The following MOB3B variants were observed in gnomAD, a reference collection of about 807,000 sequenced individuals.
MOB3B encodes MOB kinase activator 3B, also known as MOB kinase activator-like 2B.
A neutral mutation model predicts 18.7 loss-of-function variants in MOB3B; 7 were observed. The observed-to-expected ratio is 0.37, with a 90% CI of 0.21 to 0.70. The LOEUF is 0.70. Ranked by LOEUF, MOB3B falls within the 30% of genes least tolerant of loss-of-function variation. MOB3B has a pLI of 0.52. For missense variants in MOB3B, 253 were observed against 281.3 expected (o/e 0.90, Z 0.72); for synonymous variants, 111 against 99.9 (o/e 1.11, Z -0.66).
At chr9:27,463,532 C>T (rs999963500) in intron 1 of MOB3B, among the ~76,000 whole-genome samples, 4 of 152,110 alleles carry the variant, frequency 2.6e-5, no homozygotes, top group Non-Finnish European at 5.9e-5. Context: ...TTGTCATGTG[C>T]CACTCCAGAA....
In MOB3B at chr9:27,326,288, G is replaced by C. The variant is rs965685720; in HGVS notation, c.*4299C>G. The C allele has an allele frequency of 2.5e-6, 1 of 393,878 alleles. No homozygotes were observed. The highest frequency in any genetic ancestry group is 1.4e-4 in the South Asian group (1 of 6,976). 24.4% of individuals were successfully genotyped at this position (393,878 alleles called of 1,614,324 possible). A position where few individuals can be genotyped will look rare whatever the true frequency, so the allele number is the denominator to read the frequency against. ...AACAATGGAGCAACAAGACTCCGTA[G>C]AGGATGCCACCCTGGGAGAATTGCA... is the stretch of plus-strand genomic sequence containing the variant. On this transcript the variant is annotated 3_prime_UTR_variant, in exon 4 of 4. Transcript: ENST00000262244.
At chr9:27,520,688 G>A (rs1227559057) in intron 1 of MOB3B, among the ~76,000 whole-genome samples, 1 of 152,116 alleles carries the variant, frequency 6.6e-6, no homozygotes, top group Non-Finnish European at 1.5e-5. Context: ...CTTGTTACGG[G>A]TATGTGCACA....
chr9:27,351,045 G>A (rs976595851), intron 3 of MOB3B, among the ~76,000 whole-genome samples: 1 of 152,042 alleles, frequency 6.6e-6, no homozygotes, highest in African/African-American at 2.4e-5. Context: ...TGGGATTATG[G>A]GCACCTGACA....
chr9:27,519,788 TAAGAG>T (rs1325932573), intron 1 of MOB3B, among the ~76,000 whole-genome samples: 2 of 151,970 alleles, frequency 1.3e-5, no homozygotes, highest in African/African-American at 4.8e-5. Flanking sequence ...GGGTCATCAT[TAAGAG>T]AAGAGCCAAG....
At chr9:27,368,219 C>T (rs1393694300) in intron 2 of MOB3B, among the ~76,000 whole-genome samples, 3 of 152,070 alleles carry the variant, frequency 2.0e-5, no homozygotes, top group African/African-American at 7.2e-5. Flanking sequence ...ACATGAACAA[C>T]ACAGATGTTT....
chr9:27,430,148 A>G (rs1053751473), intron 2 of MOB3B, among the ~76,000 whole-genome samples: 21 of 152,152 alleles, frequency 1.4e-4, no homozygotes, highest in Non-Finnish European at 2.5e-4. Context: ...TGGTACTTTC[A>G]TTCTCCACAT....
intron 1 of MOB3B, among the ~76,000 whole-genome samples, chr9:27,499,287 T>C (rs543600017): frequency 3.5e-4 from 54 of 152,342 alleles, no homozygotes; most frequent in African/African-American, 1.3e-3. Flanking sequence ...AGGATGAAGC[T>C]GGAATGCAAG....
chr9:27,491,073 C>A (rs183685393), intron 1 of MOB3B, among the ~76,000 whole-genome samples: 4 of 151,800 alleles, frequency 2.6e-5, no homozygotes, highest in Admixed American at 2.6e-4. Context: ...CCTAGTGTCT[C>A]ATACTTTAAA....
Position 27,455,549 on chromosome 9 carries a change from A to ATGGTCT in MOB3B, c.-5_1dup (p.His1_?0). The ATGGTCT allele has an allele frequency of 6.2e-7, 1 of 1,614,120 alleles. No individual in the cohort carries two copies. The highest frequency in any genetic ancestry group is 8.5e-7 in the Non-Finnish European group (1 of 1,180,006). On this transcript the variant is annotated start_lost and start_retained_variant, in exon 2 of 4. Coordinates refer to ENST00000262244, the MANE Select transcript of MOB3B (RefSeq NM_024761.5). Reference sequence around the variant, plus strand: ...GAATACCTGCTTCAGGGCTATGGACATGGTCTTCTCTTTCGCTTCCTTTCT... The same window carrying ATGGTCT: ...GAATACCTGCTTCAGGGCTATGGACATGGTCTTGGTCTTCTCTTTCGCTTCCTTTCT...
rs562591705 is a variant in MOB3B at position 27,513,217 on chromosome 9, C to G, written c.-199+16338G>C. ...GATATTAACCTGAACCCAAATATAC[C>G]CTAAGTAACGTACTAACAACCTACT... On this transcript the variant is annotated intron_variant, in intron 1 of 3. Transcript: ENST00000262244. Among the ~76,000 whole-genome samples the G allele has an allele frequency of 5.9e-5, 9 of 152,184 alleles. No homozygotes were observed. The South Asian group carries it at 1.9e-3, about 32-fold the overall frequency.
chr9:27,494,754 C>T (rs1225440611), intron 1 of MOB3B, among the ~76,000 whole-genome samples: 1 of 152,066 alleles, frequency 6.6e-6, no homozygotes, highest in Non-Finnish European at 1.5e-5. Context: ...ATCTTGTGAT[C>T]TACCCACCTT....
chr9:27,423,610 A>G (rs936213372), intron 2 of MOB3B, among the ~76,000 whole-genome samples: 2 of 152,192 alleles, frequency 1.3e-5, no homozygotes, highest in African/African-American at 4.8e-5. Flanking sequence ...TAATCTCTTT[A>G]GAAAGCCTAA....
intron 2 of MOB3B, among the ~76,000 whole-genome samples, chr9:27,441,296 G>T (rs1018559602): frequency 2.0e-5 from 3 of 152,142 alleles, no homozygotes; most frequent in Non-Finnish European, 4.4e-5. Context: ...TCATACCATA[G>T]ATCTGAGCAA....
At chr9:27,387,026 T>C (rs2131378714) in intron 2 of MOB3B, among the ~76,000 whole-genome samples, 1 of 152,316 alleles carries the variant, frequency 6.6e-6, no homozygotes, top group Admixed American at 6.5e-5. Context: ...CAGAGTTGCT[T>C]CTGCGTACCA....
At chr9:27,427,144 T>G (rs142416427) in intron 2 of MOB3B, among the ~76,000 whole-genome samples, 1 of 152,316 alleles carries the variant, frequency 6.6e-6, no homozygotes, top group African/African-American at 2.4e-5. Context: ...GCATCAGAGT[T>G]CAGGGCACCT....
At chr9:27,436,639 T>A (rs913552363) in intron 2 of MOB3B, among the ~76,000 whole-genome samples, 3 of 152,208 alleles carry the variant, frequency 2.0e-5, no homozygotes, top group African/African-American at 7.2e-5. Context: ...AAAATGGCAA[T>A]GCTTCAGACT....
intron 2 of MOB3B, among the ~76,000 whole-genome samples, chr9:27,437,853 T>G (rs1822535953): frequency 6.6e-6 from 1 of 152,200 alleles, no homozygotes; most frequent in Non-Finnish European, 1.5e-5. Flanking sequence ...GGCTGGAAAC[T>G]TCTTCTTAAA....
At chr9:27,396,352 C>A (rs1024345201) in intron 2 of MOB3B, among the ~76,000 whole-genome samples, 4 of 152,248 alleles carry the variant, frequency 2.6e-5, no homozygotes, top group Non-Finnish European at 5.9e-5. Context: ...CCCTCAGTCA[C>A]TGGGGCTCTG....
chr9:27,400,355 G>A (rs781263628), intron 2 of MOB3B, among the ~76,000 whole-genome samples: 3 of 151,992 alleles, frequency 2.0e-5, no homozygotes, highest in African/African-American at 4.8e-5. Flanking sequence ...TCCCCATTGC[G>A]GTGACCTCCT....
Sources: allele counts gnomAD v4.1 joint callset (sites outside exome capture counted in the v4.1 genomes callset), GRCh38; gene constraint gnomAD v4.1.1; transcripts MANE v1.5; gene names NCBI Gene and HGNC (gene_info 2026-07-23, HGNC 2026-07-21).